The following GABRA2 variants were observed in gnomAD, a reference collection of about 807,000 sequenced individuals.
GABRA2 encodes the protein gamma-aminobutyric acid receptor subunit alpha-2.
GABRA2 carries 16 observed loss-of-function variants against 48.7 expected under a neutral mutation model. The ratio of observed to expected loss-of-function variants is 0.33; its 90% confidence interval spans 0.22 to 0.50. GABRA2 has a LOEUF of 0.50. GABRA2 is among the 20% of genes least tolerant of loss of function. The pLI, the probability that GABRA2 is intolerant of heterozygous loss-of-function variation, is 0.98. For synonymous variants in GABRA2, 185 were observed against 184.5 expected (o/e 1.00, Z -0.02); for missense variants, 275 against 535.6 (o/e 0.51, Z 4.80).
intron 8 of GABRA2, among the ~76,000 whole-genome samples, chr4:46,268,763 A>G (rs138013299): frequency 3.9e-4 from 60 of 152,048 alleles, no homozygotes; most frequent in Non-Finnish European, 7.1e-4. Context: ...CACTACTTAT[A>G]ATAGCCAACT....
chr4:46,374,891 T>C (rs945096034), intron 3 of GABRA2, among the ~76,000 whole-genome samples: 1 of 152,030 alleles, frequency 6.6e-6, no homozygotes, highest in African/African-American at 2.4e-5. Flanking sequence ...ACCCCCCTAA[T>C]AAGTTTGTGA....
At position 46,389,923 on chromosome 4, in the gene GABRA2, G is replaced by T; in HGVS notation, c.-199C>A. The T allele has an allele frequency of 1.0e-6, 1 of 988,018 alleles. No individual in the cohort carries two copies. The highest frequency in any genetic ancestry group is 1.2e-6 in the Non-Finnish European group (1 of 831,856). 61.2% of individuals were successfully genotyped at this position (988,018 alleles called of 1,614,324 possible). A position where few individuals can be genotyped will look rare whatever the true frequency, so the allele number is the denominator to read the frequency against. ...GGGCTGGTGGAAGCCGGAGAGGAGCGCTAGGAGCCGCGGCGGCGGCGCGAG... is the reference window on the plus strand; with the variant it reads ...GGGCTGGTGGAAGCCGGAGAGGAGCTCTAGGAGCCGCGGCGGCGGCGCGAG... On this transcript the variant is annotated 5_prime_UTR_variant, in exon 1 of 10. Transcript: ENST00000381620.
Position 46,389,895 on chromosome 4 carries a change from G to C in GABRA2, c.-171C>G. 1.0e-6 allele frequency: 1 copy of C among 984,130 alleles called. No homozygotes were observed. Among genetic ancestry groups the C allele is most frequent in the South Asian group, 4.7e-5 (1 of 21,326 alleles). 61.0% of individuals were successfully genotyped at this position (984,130 alleles called of 1,614,324 possible). A position where few individuals can be genotyped will look rare whatever the true frequency, so the allele number is the denominator to read the frequency against. On this transcript the variant is annotated 5_prime_UTR_variant, in exon 1 of 10. It adds an upstream start codon to the 5' untranslated region. Transcript: ENST00000381620. ...TGCAGCAGCCAAGAGAGCGTGGAGC[G>C]ATGGGCTGGTGGAAGCCGGAGAGGA...
chr4:46,386,872 G>A (rs768743575), intron 2 of GABRA2: 1 of 152,188 alleles, frequency 6.6e-6, no homozygotes, highest in Admixed American at 6.5e-5. Flanking sequence ...TTCCTGATTG[G>A]TCTCTGAGAA....
intron 8 of GABRA2, among the ~76,000 whole-genome samples, chr4:46,273,769 C>T (rs1719952818): frequency 6.6e-6 from 1 of 151,846 alleles, no homozygotes; most frequent in African/African-American, 2.4e-5. Flanking sequence ...GTATCTCTGC[C>T]ATATTTAAGG....
chr4:46,268,191 T>A (rs1718631988), intron 8 of GABRA2, among the ~76,000 whole-genome samples: 1 of 151,886 alleles, frequency 6.6e-6, no homozygotes. Flanking sequence ...AAAACAAAGA[T>A]AAATGAGTGA....
chr4:46,259,609 C>A (rs1716548179), intron 9 of GABRA2, among the ~76,000 whole-genome samples: 1 of 151,824 alleles, frequency 6.6e-6, no homozygotes, highest in South Asian at 2.1e-4. Context: ...GGAGCTGAAT[C>A]ATTATTCTTA....
chr4:46,338,868 A>T lies in GABRA2; in HGVS notation c.188-6186T>A, dbSNP rs147345511. Among the ~76,000 whole-genome samples, 480 of 152,064 alleles carry T rather than the reference A, an allele frequency of 3.2e-3. 4 individuals carry two copies. The highest frequency in any genetic ancestry group is 0.011 in the African/African-American group (457 of 41,560). On this transcript the variant is annotated intron_variant, in intron 3 of 9. Coordinates refer to ENST00000381620, the MANE Select transcript of GABRA2 (RefSeq NM_000807.4). ...GAGTATAAATAGACAGCTACTGAGA[A>T]GTAGAAAGGTTGGACCAGTTTTCTG...
chr4:46,334,493 G>A (rs1398866476), intron 3 of GABRA2, among the ~76,000 whole-genome samples: 1 of 152,140 alleles, frequency 6.6e-6, no homozygotes, highest in African/African-American at 2.4e-5. Context: ...TGTGAAGGTA[G>A]CTTTTACCCT....
chr4:46,297,596 T>C lies in GABRA2; in HGVS notation c.856+5864A>G, dbSNP rs561126846. 6.7e-5 allele frequency among the ~76,000 whole-genome samples: 10 copies of C among 148,800 alleles called. 1 individual carries two copies. The highest frequency in any genetic ancestry group is 2.5e-4 in the African/African-American group (10 of 40,216). ...GTGTGATATCATTATTAATAATCCCTAGTAATGTCCCTACTTTCTGATTTT... is the reference window on the plus strand; with the variant it reads ...GTGTGATATCATTATTAATAATCCCCAGTAATGTCCCTACTTTCTGATTTT... On this transcript the variant is annotated intron_variant, in intron 8 of 9. Transcript: ENST00000381620.
chr4:46,349,229 G>A (rs896870899), intron 3 of GABRA2, among the ~76,000 whole-genome samples: 1 of 151,904 alleles, frequency 6.6e-6, no homozygotes, highest in Non-Finnish European at 1.5e-5. Context: ...TTGCTTTATT[G>A]CAGTAGCCTG....
intron 3 of GABRA2, among the ~76,000 whole-genome samples, chr4:46,333,560 T>C (rs1731726900): frequency 6.6e-6 from 1 of 152,146 alleles, no homozygotes; most frequent in African/African-American, 2.4e-5. Context: ...GAATTGTTTT[T>C]TGTATTATAC....
intron 3 of GABRA2, among the ~76,000 whole-genome samples, chr4:46,369,399 T>C (rs1396877303): frequency 6.6e-6 from 1 of 152,166 alleles, no homozygotes; most frequent in Non-Finnish European, 1.5e-5. Flanking sequence ...CAATACATTA[T>C]GTTGATACCT....
intron 3 of GABRA2, among the ~76,000 whole-genome samples, chr4:46,337,029 A>T (rs1485489886): frequency 6.6e-6 from 1 of 152,166 alleles, no homozygotes; most frequent in Non-Finnish European, 1.5e-5. Flanking sequence ...ACTATGAAAG[A>T]ACAAAATTGA....
intron 8 of GABRA2, among the ~76,000 whole-genome samples, chr4:46,272,100 A>G (rs1323130542): frequency 6.6e-6 from 1 of 151,994 alleles, no homozygotes; most frequent in Admixed American, 6.6e-5. Flanking sequence ...CTAGGGTGCC[A>G]ATTCTCCTAA....
intron 3 of GABRA2, among the ~76,000 whole-genome samples, chr4:46,361,264 C>T (rs1206247920): frequency 5.9e-5 from 9 of 151,898 alleles, no homozygotes; most frequent in Non-Finnish European, 1.3e-4. Context: ...GAAAAATGGG[C>T]CTGGCCGAGG....
intron 3 of GABRA2, among the ~76,000 whole-genome samples, chr4:46,382,331 T>C: frequency 6.6e-6 from 1 of 151,796 alleles, no homozygotes; most frequent in East Asian, 1.9e-4. Flanking sequence ...GAAGGTGAGA[T>C]CAGTGGATAC....
intron 6 of GABRA2, among the ~76,000 whole-genome samples, chr4:46,307,955 G>T: frequency 6.6e-6 from 1 of 152,106 alleles, no homozygotes. Context: ...TCTCAATAAA[G>T]TATCAAAGGA....
intron 3 of GABRA2, among the ~76,000 whole-genome samples, chr4:46,339,472 T>C (rs1265722466): frequency 1.3e-5 from 2 of 151,810 alleles, no homozygotes; most frequent in Non-Finnish European, 3.0e-5. Flanking sequence ...TCTTAATAAA[T>C]CCTGGTTAAC....
Sources: gnomAD v4.1 joint callset for allele counts (sites outside exome capture counted in the v4.1 genomes callset) on GRCh38, gnomAD v4.1.1 for gene constraint, MANE v1.5 for transcripts, NCBI Gene and HGNC (gene_info 2026-07-23, HGNC 2026-07-21) for gene names.